Variants in FAF1 observed in about 807,000 individuals in gnomAD.
The protein encoded by FAF1 is FAS-associated factor 1.
FAF1 carries 25 observed loss-of-function variants against 92.5 expected under a neutral mutation model. That is an observed-to-expected ratio of 0.27 (90% confidence interval 0.20 to 0.38). The LOEUF is 0.38. Among genes scored for constraint, FAF1 ranks in the 10% least tolerant of loss-of-function variants. The pLI, the probability that FAF1 is intolerant of heterozygous loss-of-function variation, is 1.00. For missense variants in FAF1, 636 were observed against 793.3 expected, an observed-to-expected ratio of 0.80 and a Z score of 2.38; for synonymous variants, 234 against 273.2, an observed-to-expected ratio of 0.86 and a Z score of 1.42.
intron 18 of FAF1, 104 bp from the exon 19 acceptor site, chr1:50,441,627 G>C: frequency 3.6e-6 from 2 of 551,596 alleles, no homozygotes. Flanking sequence ...CTATGCACTG[G>C]CACGAAGAGT....
chr1:50,608,742 C>T (rs1652543521), intron 8 of FAF1, among the ~76,000 whole-genome samples: 1 of 152,160 alleles, frequency 6.6e-6, no homozygotes, highest in South Asian at 2.1e-4. Flanking sequence ...AGGTAGATGT[C>T]ACTATACTTC....
intron 8 of FAF1, among the ~76,000 whole-genome samples, chr1:50,600,852 TA>T (rs1233402094): frequency 6.6e-6 from 1 of 152,192 alleles, no homozygotes; most frequent in Non-Finnish European, 1.5e-5. Flanking sequence ...TTACTTTGTA[TA>T]AAAATGCTAT....
At chr1:50,789,901 C>T (rs987379989) in intron 3 of FAF1, among the ~76,000 whole-genome samples, 10 of 152,136 alleles carry the variant, frequency 6.6e-5, no homozygotes, top group Non-Finnish European at 1.5e-4. Flanking sequence ...TAATCATTCC[C>T]GTTTCACAGA....
At chr1:50,828,520 T>C (rs1231960803) in intron 2 of FAF1, among the ~76,000 whole-genome samples, 2 of 152,092 alleles carry the variant, frequency 1.3e-5, no homozygotes, top group Non-Finnish European at 2.9e-5. Context: ...CTGCCCACCT[T>C]GGCCTTCCAA....
chr1:50,551,073 T>C (rs550569787), intron 13 of FAF1, among the ~76,000 whole-genome samples: 1 of 152,354 alleles, frequency 6.6e-6, no homozygotes, highest in African/African-American at 2.4e-5. Flanking sequence ...CTTATAAATA[T>C]TCATATCTAT....
chr1:50,730,982 T>C (rs1182904456), intron 6 of FAF1, among the ~76,000 whole-genome samples: 1 of 152,238 alleles, frequency 6.6e-6, no homozygotes, highest in African/African-American at 2.4e-5. Context: ...TATTGTGTTA[T>C]ATTGAATTTG....
chr1:50,755,944 G>A (rs960439708), intron 4 of FAF1, among the ~76,000 whole-genome samples: 4 of 152,128 alleles, frequency 2.6e-5, no homozygotes, highest in Admixed American at 6.6e-5. Context: ...TCCAGCCCAC[G>A]AAACCACTTT....
intron 8 of FAF1, among the ~76,000 whole-genome samples, chr1:50,619,960 G>A (rs1192647714): frequency 1.3e-5 from 2 of 148,810 alleles, no homozygotes; most frequent in Admixed American, 6.7e-5. Context: ...CCAGGCTGGA[G>A]TGCAATGGCA....
chr1:50,950,438 T>TGTA (rs1291436965), intron 1 of FAF1, among the ~76,000 whole-genome samples: 1 of 152,226 alleles, frequency 6.6e-6, no homozygotes, highest in Non-Finnish European at 1.5e-5. Context: ...ATTTTAGGCT[T>TGTA]GTAAGGCCAT....
At chr1:50,956,231 G>C (rs1217963055) in intron 1 of FAF1, among the ~76,000 whole-genome samples, 1 of 151,736 alleles carries the variant, frequency 6.6e-6, no homozygotes, top group African/African-American at 2.4e-5. Flanking sequence ...GGTAATATTT[G>C]CTTTGTAATA....
At chr1:50,472,787 T>G (rs17382596) in intron 18 of FAF1, among the ~76,000 whole-genome samples, 38,239 of 152,144 alleles carry the variant, frequency 0.25, 5,307 homozygotes, top group Middle Eastern at 0.43. Context: ...TTAGTTTGGC[T>G]GTAATTTAAG....
intron 18 of FAF1, among the ~76,000 whole-genome samples, chr1:50,444,644 C>G (rs1210073897): frequency 6.6e-6 from 1 of 152,188 alleles, no homozygotes; most frequent in East Asian, 1.9e-4. Flanking sequence ...CAGTCATCAT[C>G]ATAGCAGCAA....
chr1:50,788,989 G>A (rs1419767800), intron 3 of FAF1, among the ~76,000 whole-genome samples: 1 of 151,942 alleles, frequency 6.6e-6, no homozygotes, highest in Non-Finnish European at 1.5e-5. Flanking sequence ...ATGCCACCAA[G>A]CCCCAGCTCA....
At position 50,620,952 on chromosome 1, in the gene FAF1, G is replaced by A. The variant is rs144826736; in HGVS notation, c.745-24736C>T. On this transcript the variant is annotated intron_variant, in intron 8 of 18. Transcript: ENST00000396153. ...TGCATTTTCTTTTGTTAGGTGTTCC[G>A]GGCCATGGGGCCCCCTCAGGCAGAG... 7.3e-3 allele frequency among the ~76,000 whole-genome samples: 1,117 copies of A among 152,324 alleles called. 7 individuals carry two copies. The highest frequency in any genetic ancestry group is 0.012 in the Non-Finnish European group (811 of 68,030).
chr1:50,821,243 G>C (rs1011542401), intron 2 of FAF1, among the ~76,000 whole-genome samples: 1 of 152,100 alleles, frequency 6.6e-6, no homozygotes, highest in African/African-American at 2.4e-5. Context: ...TATGCCAGTG[G>C]AGCATAAATA....
chr1:50,624,744 C>G (rs554751937), intron 8 of FAF1, among the ~76,000 whole-genome samples: 1 of 152,278 alleles, frequency 6.6e-6, no homozygotes, highest in Admixed American at 6.5e-5. Context: ...TAACTTTTCA[C>G]ATATATTCCC....
intron 7 of FAF1, among the ~76,000 whole-genome samples, chr1:50,679,681 A>G (rs1050593071): frequency 6.6e-5 from 10 of 152,240 alleles, no homozygotes; most frequent in African/African-American, 2.4e-4. Context: ...CTGATGAATA[A>G]AAGTATAACA....
intron 1 of FAF1, among the ~76,000 whole-genome samples, chr1:50,956,649 C>G (rs1458121836): frequency 6.6e-6 from 1 of 152,124 alleles, no homozygotes; most frequent in Non-Finnish European, 1.5e-5. Flanking sequence ...AGCTGCAATC[C>G]TTAAATTAAA....
intron 8 of FAF1, among the ~76,000 whole-genome samples, chr1:50,626,963 G>T (rs1274632473): frequency 6.6e-6 from 1 of 152,130 alleles, no homozygotes. Context: ...CTCTTATCTT[G>T]CTTGTGGAAC....
Sources: allele counts gnomAD v4.1 joint callset (sites outside exome capture counted in the v4.1 genomes callset), GRCh38; gene constraint gnomAD v4.1.1; transcripts MANE v1.5; gene names NCBI Gene and HGNC (gene_info 2026-07-23, HGNC 2026-07-21).